Variants in SLC26A8 observed in about 807,000 individuals in gnomAD.
SLC26A8 encodes the protein testis anion transporter 1.
In SLC26A8, 70 loss-of-function variants were observed where a neutral mutation model predicts 105.0. That is an observed-to-expected ratio of 0.67 (90% CI 0.55 to 0.81). The LOEUF (loss-of-function observed/expected upper bound fraction) is 0.81. Among genes scored for constraint, SLC26A8 ranks in the 40% least tolerant of loss-of-function variants. The pLI is 0.00. For synonymous variants in SLC26A8, 415 were observed against 438.3 expected (o/e 0.95, Z 0.66); for missense variants, 998 against 1,181.8 (o/e 0.84, Z 2.28).
intron 3 of SLC26A8, among the ~76,000 whole-genome samples, chr6:36,008,244 T>C (rs665329): frequency 0.56 from 85,223 of 151,870 alleles, 24,228 homozygotes; most frequent in South Asian, 0.7. Flanking sequence ...CAGTGAGCTA[T>C]GTTCACACCA....
intron 19 of SLC26A8, among the ~76,000 whole-genome samples, chr6:35,949,287 C>A (rs2127287951): frequency 6.6e-6 from 1 of 152,122 alleles, no homozygotes; most frequent in South Asian, 2.1e-4. Flanking sequence ...TAAAAATTAT[C>A]CAGGTGTGGT....
At position 35,957,607 on chromosome 6, in the gene SLC26A8, T is replaced by A. The variant is rs1265018209; in HGVS notation, c.1863+1853A>T. Among the ~76,000 whole-genome samples, 5 of 52,564 alleles carry A rather than the reference T, an allele frequency of 9.5e-5. No individual in the cohort carries two copies. In the South Asian group the frequency reaches 1.9e-3, roughly 20 times the overall value. The allele number at this position is 52,564 out of a possible 152,430, so 34.5% of individuals were successfully genotyped here. On this transcript the variant is annotated intron_variant, in intron 16 of 19. Coordinates refer to ENST00000490799, the MANE Select transcript of SLC26A8 (RefSeq NM_052961.4). ...CAGAGGGAATTCTCTGAGAGCCACC[T>A]TTTTTTTTTTTTTTTTGAGATGGAG...
intron 4 of SLC26A8, 38 bp downstream of exon 4, chr6:35,999,954 C>T: frequency 4.4e-6 from 6 of 1,378,104 alleles, no homozygotes; most frequent in Non-Finnish European, 6.2e-6. Flanking sequence ...AAGATGGAAA[C>T]TTCATCCACC....
intron 7 of SLC26A8, among the ~76,000 whole-genome samples, chr6:35,984,480 G>A (rs1002774813): frequency 6.6e-6 from 1 of 151,784 alleles, no homozygotes; most frequent in East Asian, 1.9e-4. Context: ...GCACCACTAT[G>A]CCCAGCTAAT....
chr6:35,994,404 G>A (rs1761288208), intron 5 of SLC26A8, among the ~76,000 whole-genome samples: 1 of 152,030 alleles, frequency 6.6e-6, no homozygotes, highest in South Asian at 2.1e-4. Context: ...GTGAGCCACT[G>A]CGCCCTGCCA....
chr6:35,980,077 A>T (rs1773211066), intron 8 of SLC26A8, among the ~76,000 whole-genome samples: 1 of 152,212 alleles, frequency 6.6e-6, no homozygotes, highest in South Asian at 2.1e-4. Context: ...GGTTCAAGTG[A>T]TTCTCTTGCC....
intron 3 of SLC26A8, among the ~76,000 whole-genome samples, chr6:36,002,961 T>A (rs543256022): frequency 6.6e-6 from 1 of 152,158 alleles, no homozygotes; most frequent in South Asian, 2.1e-4. Context: ...ACCTCAGCCT[T>A]CCAAAGTGCT....
chr6:36,001,207 C>T (rs1398285434), intron 3 of SLC26A8, among the ~76,000 whole-genome samples: 6 of 151,982 alleles, frequency 3.9e-5, no homozygotes, highest in Non-Finnish European at 7.4e-5. Flanking sequence ...CGGCTCCCCG[C>T]GAGCTCCACC....
intron 16 of SLC26A8, among the ~76,000 whole-genome samples, chr6:35,957,289 A>G (rs1004077766): frequency 2.0e-5 from 3 of 152,018 alleles, no homozygotes; most frequent in Non-Finnish European, 4.4e-5. Context: ...TAATGAGAAG[A>G]ATTCCTTTGC....
intron 5 of SLC26A8, 45 bp from the exon 6 acceptor site, chr6:35,992,719 C>T: frequency 6.5e-7 from 1 of 1,537,934 alleles, no homozygotes; most frequent in Non-Finnish European, 8.7e-7. Context: ...GTCTTCAATC[C>T]AGCAATGGCA....
At chr6:35,989,270 T>G (rs1581669558) in intron 7 of SLC26A8, among the ~76,000 whole-genome samples, 1 of 152,364 alleles carries the variant, frequency 6.6e-6, no homozygotes, top group South Asian at 2.1e-4. Context: ...TTTTTCCACA[T>G]GGGCAGCCAC....
chr6:35,951,027 T>C, intron 19 of SLC26A8, 136 bp downstream of exon 19: 3 of 866,044 alleles, frequency 3.5e-6, no homozygotes, highest in Non-Finnish European at 5.3e-6. Flanking sequence ...GGTACAGCCA[T>C]ACTAAATACC....
intron 2 of SLC26A8, among the ~76,000 whole-genome samples, chr6:36,016,290 G>A (rs753653318): frequency 1.3e-5 from 2 of 152,140 alleles, no homozygotes; most frequent in Non-Finnish European, 2.9e-5. Flanking sequence ...ACTGCACCCG[G>A]CCAGGGTTCT....
chr6:36,024,426 A>G, intron 1 of SLC26A8, 78 bp downstream of exon 1: 1 of 450,436 alleles, frequency 2.2e-6, no homozygotes, highest in Non-Finnish European at 4.4e-6. Context: ...ATACCTGGGT[A>G]CCTGCCGGTG....
intron 7 of SLC26A8, chr6:35,990,154 C>T: frequency 6.3e-6 from 1 of 159,050 alleles, no homozygotes; most frequent in Non-Finnish European, 1.4e-5. Context: ...TCAGGCTGGT[C>T]TCGAACTCCC....
At position 35,961,012 on chromosome 6, in the gene SLC26A8, T is replaced by C. The variant is rs766361815; in HGVS notation, c.1549A>G (p.Thr517Ala). 1 of 1,614,048 alleles carries C rather than the reference T, an allele frequency of 6.2e-7. No homozygotes were observed. Among genetic ancestry groups the C allele is most frequent in the East Asian group, 2.2e-5 (1 of 44,876 alleles). Reference protein sequence around the residue: ...IISVVSAFFITTVRSHRAKIL... With the variant: ...IISVVSAFFIATVRSHRAKIL... ...AAGTACCTGTGTGAACGAACAGTGG[T>C]GATGAAGAAAGCAGAAACTACTGAG... is the stretch of plus-strand genomic sequence containing the variant. The change falls in exon 13 of 20, where the codon ACC becomes GCC. Residue 517 changes from threonine to alanine, a missense_variant. Coordinates refer to ENST00000490799, the MANE Select transcript of SLC26A8 (RefSeq NM_052961.4).
chr6:35,944,116 C>G lies in SLC26A8; in HGVS notation c.2697G>C (p.Glu899Asp), dbSNP rs961417425. The G allele has an allele frequency of 1.2e-6, 2 of 1,614,054 alleles. No homozygotes were observed. The highest frequency in any genetic ancestry group is 1.3e-5 in the African/African-American group (1 of 75,008). Residue 899 changes from glutamate (E) to aspartate (D), a missense_variant, in exon 20 of 20, where the codon GAG becomes GAC. By Grantham distance (45) the Glu-to-Asp change is conservative (BLOSUM62 2). Coordinates refer to ENST00000490799, the MANE Select transcript of SLC26A8 (RefSeq NM_052961.4). ...KAETETKTQT[E>D]MEPQPETEPE... ...GCTCAGTCTCAGGCTGGGGCTCCAT[C>G]TCGGTCTGGGTCTTGGTCTCGGTCT...
chr6:35,962,265 G>T (rs1294574061), intron 12 of SLC26A8, among the ~76,000 whole-genome samples: 3 of 151,774 alleles, frequency 2.0e-5, no homozygotes, highest in Non-Finnish European at 2.9e-5. Flanking sequence ...TGCGATGAAT[G>T]ACAAACCCTT....
At chr6:35,946,386 G>A (rs915430434) in intron 19 of SLC26A8, among the ~76,000 whole-genome samples, 8 of 151,992 alleles carry the variant, frequency 5.3e-5, no homozygotes, top group East Asian at 1.9e-4. Context: ...ACAGGCATGC[G>A]CCACCACACC....
Sources: gnomAD v4.1 joint callset for allele counts (sites outside exome capture counted in the v4.1 genomes callset) on GRCh38, gnomAD v4.1.1 for gene constraint, MANE v1.5 for transcripts, NCBI Gene and HGNC (gene_info 2026-07-23, HGNC 2026-07-21) for gene names.